KIAA1549: variants seen among roughly 807,000 people sequenced by gnomAD.
KIAA1549 encodes KIAA1549, also known as UPF0606 protein KIAA1549.
Under a neutral mutation model 156.4 loss-of-function variants are expected in KIAA1549, and 70 were observed. The observed-to-expected ratio is 0.45, with a 90% CI of 0.37 to 0.55. The LOEUF (loss-of-function observed/expected upper bound fraction) is 0.55. Ranked by LOEUF, KIAA1549 falls within the 20% of genes least tolerant of loss-of-function variation. KIAA1549 has a pLI of 0.00. For synonymous variants in KIAA1549, 1,103 were observed against 1,066.4 expected, an observed-to-expected ratio of 1.03 and a Z score of -0.67; for missense variants, 2,428 against 2,540.9, an observed-to-expected ratio of 0.96 and a Z score of 0.96.
intron 16 of KIAA1549, among the ~76,000 whole-genome samples, chr7:138,854,524 C>G (rs1810327582): frequency 6.6e-6 from 1 of 152,138 alleles, no homozygotes; most frequent in Non-Finnish European, 1.5e-5. Flanking sequence ...ACCTTGAAAT[C>G]CACATTCCTG....
chr7:138,947,161 C>G (rs1813360725), intron 1 of KIAA1549, among the ~76,000 whole-genome samples: 1 of 152,170 alleles, frequency 6.6e-6, no homozygotes, highest in Admixed American at 6.5e-5. Context: ...CTTGGGTAAT[C>G]TGCAGTCCCA....
Position 138,917,901 on chromosome 7 carries a change from G to A in KIAA1549, c.1725C>T (p.Asn575=). The part of the protein sequence containing the change: ...LLDSSFSVIA[N]KNTPSLAVRD... The stretch of plus-strand genomic sequence containing the variant: ...TGACGGCAAGCGACGGTGTGTTTTT[G>A]TTTGCTATGACAGAGAAAGATGAGT... Residue 575 remains asparagine (N), a synonymous_variant, in exon 2 of 20, where the codon AAC becomes AAT. Transcript: ENST00000422774. The A allele has an allele frequency of 6.2e-7, 1 of 1,602,214 alleles. No individual in the cohort carries two copies. Among genetic ancestry groups the A allele is most frequent in the Non-Finnish European group, 8.5e-7 (1 of 1,174,382 alleles).
chr7:138,931,585 C>G (rs1041906427), intron 1 of KIAA1549, among the ~76,000 whole-genome samples: 5 of 151,580 alleles, frequency 3.3e-5, no homozygotes, highest in African/African-American at 1.2e-4. Flanking sequence ...AAACCCATCT[C>G]TATTAAAAAT....
chr7:138,864,132 G>A (rs761026291), intron 15 of KIAA1549, among the ~76,000 whole-genome samples: 2 of 152,226 alleles, frequency 1.3e-5, no homozygotes, highest in Admixed American at 6.5e-5. Flanking sequence ...TGTTCCTGGC[G>A]GTGATTCCGG....
chr7:138,881,209 C>A (rs748881770), intron 11 of KIAA1549, among the ~76,000 whole-genome samples, 179 bp downstream of exon 11: 4 of 152,104 alleles, frequency 2.6e-5, no homozygotes, highest in Admixed American at 1.3e-4. Context: ...TTTGGCAGCC[C>A]GTGAGAGTGG....
chr7:138,945,769 T>G (rs966653276), intron 1 of KIAA1549, among the ~76,000 whole-genome samples: 7 of 152,210 alleles, frequency 4.6e-5, no homozygotes, highest in African/African-American at 1.2e-4. Context: ...AAAAGATTGG[T>G]TTCTTTTCAC....
rs373413285 is a variant in KIAA1549 at position 138,894,461 on chromosome 7, C to T, written c.3913G>A (p.Val1305Met). 19 of 1,613,930 alleles carry T rather than the reference C, an allele frequency of 1.2e-5. No individual in the cohort carries two copies. The highest frequency in any genetic ancestry group is 4.5e-5 in the East Asian group (2 of 44,900). The change falls in exon 10 of 20, where the codon GTG becomes ATG. Residue 1305 changes from valine to methionine, a missense_variant. Physicochemically the swap from Val to Met is conservative, Grantham distance 21. This residue lies in a region of KIAA1549 where 762 missense variants were observed against 901.6 expected (regional missense o/e 0.85). Coordinates refer to ENST00000422774, the MANE Select transcript of KIAA1549 (RefSeq NM_001164665.2). ...QSNNLWVIVG[V>M]VIPVLVVMVI... Reference sequence around the variant, plus strand: ...ATCACCACCAGCACTGGGATGACCACGCCAACAATGACCCACAAGTTGTTG... The same window carrying T: ...ATCACCACCAGCACTGGGATGACCATGCCAACAATGACCCACAAGTTGTTG...
Position 138,831,726 on chromosome 7 carries a change from A to T in KIAA1549, c.*6180T>A, listed in dbSNP as rs955356621. The T allele has an allele frequency of 2.6e-5, 6 of 231,512 alleles. No homozygotes were observed. Among genetic ancestry groups the T allele is most frequent in the African/African-American group, 1.1e-4 (5 of 45,270 alleles). 14.3% of individuals were successfully genotyped at this position (231,512 alleles called of 1,614,324 possible). On this transcript the variant is annotated 3_prime_UTR_variant, in exon 20 of 20. Transcript: ENST00000422774. Reference sequence around the variant, plus strand: ...ATAATCTAGGGATGAGTGTGCAGGAAGAGCCAGAAAAACATGGACCTTGAC... The same window carrying T: ...ATAATCTAGGGATGAGTGTGCAGGATGAGCCAGAAAAACATGGACCTTGAC...
chr7:138,836,136 A>G lies in KIAA1549; in HGVS notation c.*1770T>C, dbSNP rs754161609. 1 of 212,126 alleles carries G rather than the reference A, an allele frequency of 4.7e-6. No homozygotes were observed. The highest frequency in any genetic ancestry group is 9.5e-6 in the Non-Finnish European group (1 of 104,726). The allele number at this position is 212,126 out of a possible 1,614,324, so 13.1% of individuals were successfully genotyped here. The stretch of plus-strand genomic sequence containing the variant: ...TTGATCAGTCAGAGCCCCAAATTCT[A>G]TAGCCCCTTATCTGTTATTTAATGA... On this transcript the variant is annotated 3_prime_UTR_variant, in exon 20 of 20. Coordinates refer to ENST00000422774, the MANE Select transcript of KIAA1549 (RefSeq NM_001164665.2).
At chr7:138,861,905 G>A (rs1359172950) in intron 15 of KIAA1549, among the ~76,000 whole-genome samples, 2 of 151,854 alleles carry the variant, frequency 1.3e-5, no homozygotes, top group African/African-American at 4.8e-5. Context: ...AGGAATGTGC[G>A]TTACATTTCA....
At chr7:138,942,904 G>A (rs932791601) in intron 1 of KIAA1549, among the ~76,000 whole-genome samples, 68 of 117,656 alleles carry the variant, frequency 5.8e-4, no homozygotes, top group African/African-American at 2.7e-3. Flanking sequence ...GCAAGACTCC[G>A]TCTCAAAAAA....
intron 15 of KIAA1549, among the ~76,000 whole-genome samples, chr7:138,862,309 AG>A (rs1281789125): frequency 6.6e-6 from 1 of 152,030 alleles, no homozygotes; most frequent in Non-Finnish European, 1.5e-5. Flanking sequence ...AGACTAACCT[AG>A]GCAACATAGC....
chr7:138,935,395 C>A (rs902653015), intron 1 of KIAA1549, among the ~76,000 whole-genome samples: 2 of 152,162 alleles, frequency 1.3e-5, no homozygotes, highest in African/African-American at 4.8e-5. Flanking sequence ...AAATGCAATC[C>A]TCTTTCACCA....
At chr7:138,959,357 C>T (rs866651501) in intron 1 of KIAA1549, among the ~76,000 whole-genome samples, 1 of 152,148 alleles carries the variant, frequency 6.6e-6, no homozygotes, top group Non-Finnish European at 1.5e-5. Flanking sequence ...CCATCTCTCA[C>T]GCAGTACATT....
chr7:138,944,550 TC>T (rs1237658204), intron 1 of KIAA1549, among the ~76,000 whole-genome samples: 1 of 152,022 alleles, frequency 6.6e-6, no homozygotes, highest in African/African-American at 2.4e-5. Context: ...CCTAGCTATG[TC>T]CCCAGAAAAA....
chr7:138,932,182 A>G (rs1812891914), intron 1 of KIAA1549, among the ~76,000 whole-genome samples: 1 of 152,264 alleles, frequency 6.6e-6, no homozygotes, highest in Admixed American at 6.5e-5. Flanking sequence ...AAAACTAGAC[A>G]GCATGCTCTA....
intron 1 of KIAA1549, among the ~76,000 whole-genome samples, chr7:138,969,642 G>A (rs926027016): frequency 2.6e-5 from 4 of 152,110 alleles, no homozygotes; most frequent in Admixed American, 2.6e-4. Context: ...TCCCAGTCTG[G>A]AGTGCAGTGA....
chr7:138,866,997 T>C (rs966240552), intron 15 of KIAA1549, among the ~76,000 whole-genome samples: 1 of 151,898 alleles, frequency 6.6e-6, no homozygotes, highest in Non-Finnish European at 1.5e-5. Flanking sequence ...GAGACGGGGT[T>C]TCGCTATATT....
chr7:138,924,182 CTT>C (rs1233229501), intron 1 of KIAA1549, among the ~76,000 whole-genome samples: 1 of 92,354 alleles, frequency 1.1e-5, no homozygotes, highest in African/African-American at 5.3e-5. Context: ...CTTTTCTTTT[CTT>C]TTTTTTTTTT....
Sources: allele counts gnomAD v4.1 joint callset (sites outside exome capture counted in the v4.1 genomes callset), GRCh38; gene constraint gnomAD v4.1.1; regional missense constraint gnomAD v4.1.1; transcripts MANE v1.5; gene names NCBI Gene and HGNC (gene_info 2026-07-23, HGNC 2026-07-21).